P2RX5: variants seen among roughly 807,000 people sequenced by gnomAD.
P2RX5 encodes the protein purinergic receptor P2X 5, also known as P2X purinoceptor 5.
In P2RX5, 46 loss-of-function variants were observed where a neutral mutation model predicts 54.1. That is an observed-to-expected ratio of 0.85 (90% CI 0.67 to 1.09). The LOEUF is 1.09. Ranked by LOEUF, P2RX5 falls within the 50% of genes least tolerant of loss-of-function variation. The pLI is 0.00. For missense variants in P2RX5, 566 were observed against 549.8 expected, an observed-to-expected ratio of 1.03 and a Z score of -0.29; for synonymous variants, 226 against 226.4, an observed-to-expected ratio of 1.00 and a Z score of 0.02.
the P2RX5 span, chr17:3,723,734 A>G: frequency 1.7e-5 from 27 of 1,606,908 alleles, no homozygotes; most frequent in Non-Finnish European, 2.1e-5. Flanking sequence ...CCAGGTGCAC[A>G]CCGTGGAGGC....
At chr17:3,706,804 T>C in the P2RX5 span, among the ~76,000 whole-genome samples, 1 of 152,064 alleles carries the variant, frequency 6.6e-6, no homozygotes, top group Non-Finnish European at 1.5e-5. Context: ...TGGAGACGGG[T>C]TTTCACCGTG....
chr17:3,702,529 T>C, the P2RX5 span, among the ~76,000 whole-genome samples: 5 of 151,924 alleles, frequency 3.3e-5, no homozygotes, highest in Non-Finnish European at 7.4e-5. Context: ...ACAATAAATC[T>C]TGCTGCTGCT....
chr17:3,723,181 T>C, the P2RX5 span: 33,949 of 806,988 alleles, frequency 0.042, 7,709 homozygotes, highest in African/African-American at 0.5. Flanking sequence ...CACCAAAAGA[T>C]CTATTTTGGA....
rs745382034 is a variant in P2RX5 at position 3,688,083 on chromosome 17, C to T, written c.910G>A (p.Ala304Thr). 7 of 1,603,940 alleles carry T rather than the reference C, an allele frequency of 4.4e-6. No homozygotes were observed. Among genetic ancestry groups the T allele is most frequent in the African/African-American group, 4.0e-5 (3 of 74,362 alleles). The change falls in exon 9 of 12, where the codon GCA (alanine) becomes ACA (threonine). Residue 304 changes from alanine (A) to threonine (T), a missense_variant. Ala to Thr is a moderately conservative substitution (Grantham distance 58). Transcript: ENST00000225328. ...AGGGTGCGGAACTCCACCCCGGCTG[C>T]GTCTCGGTAATATCTGGCAAATCTG... ...NFRFARYYRD[A>T]AGVEFRTLMK...
Position 3,693,804 on chromosome 17 carries a change from T to C in P2RX5, c.138-2010A>G, listed in dbSNP as rs560978419. Among the ~76,000 whole-genome samples the C allele has an allele frequency of 1.6e-4, 24 of 151,930 alleles. No individual in the cohort carries two copies. In the South Asian group the frequency reaches 4.8e-3, roughly 30 times the overall value. On this transcript the variant is annotated intron_variant, in intron 1 of 11. Coordinates refer to ENST00000225328, the MANE Select transcript of P2RX5 (RefSeq NM_002561.4). ...AACATGTTCACAAAAAACTTGTACATGAATGTTCTCAGAAGCATTCTTCTT... is the reference window on the plus strand; with the variant it reads ...AACATGTTCACAAAAAACTTGTACACGAATGTTCTCAGAAGCATTCTTCTT...
chr17:3,691,075 A>AGCCACGGCCTGCCTGTGTGCCACAG, intron 2 of P2RX5, 48 bp from the exon 3 acceptor site: 1 of 1,366,260 alleles, frequency 7.3e-7, no homozygotes. Flanking sequence ...CCCCTTAGGG[A>AGCCACGGCCTGCCTGTGTGCCACAG]CCACCCCACC....
intron 10 of P2RX5, among the ~76,000 whole-genome samples, chr17:3,680,362 C>T (rs2050226482): frequency 7.0e-6 from 1 of 142,062 alleles, no homozygotes; most frequent in Non-Finnish European, 1.5e-5. Context: ...CCAGTGTCCT[C>T]CACCCTGCGT....
upstream of P2RX5, among the ~76,000 whole-genome samples, chr17:3,700,735 C>T (rs1259680710): frequency 2.0e-5 from 3 of 152,132 alleles, no homozygotes; most frequent in Non-Finnish European, 4.4e-5. Flanking sequence ...TTATGAATGG[C>T]TTGGCACTAT....
chr17:3,723,818 C>T, the P2RX5 span: 2 of 1,571,532 alleles, frequency 1.3e-6, no homozygotes, highest in Non-Finnish European at 1.7e-6. Context: ...CCGGCCCCGG[C>T]CCTGGCGAGG....
At chr17:3,720,567 AGTTATTCTTCAAC>A in the P2RX5 span, 1 of 476,284 alleles carries the variant, frequency 2.1e-6, no homozygotes, top group Non-Finnish European at 3.7e-6. Flanking sequence ...AGACATCTGC[AGTTATTCTTCAAC>A]TTCCTTTTTT....
chr17:3,716,117 G>A, the P2RX5 span, among the ~76,000 whole-genome samples: 12 of 151,628 alleles, frequency 7.9e-5, no homozygotes. Flanking sequence ...GTTGCAGTGA[G>A]CCGAGATCGC....
intron 11 of P2RX5, chr17:3,676,532 A>G: frequency 1.0e-6 from 1 of 985,346 alleles, no homozygotes; most frequent in Non-Finnish European, 1.2e-6. Flanking sequence ...TGCTGCTTTC[A>G]GGGTGGGGGA....
chr17:3,716,650 C>T, the P2RX5 span: 1 of 1,226,596 alleles, frequency 8.2e-7, no homozygotes, highest in Non-Finnish European at 1.2e-6. Flanking sequence ...AACTAGAGCC[C>T]AGTCTTCCCT....
chr17:3,710,938 C>T, the P2RX5 span, among the ~76,000 whole-genome samples: 2 of 152,064 alleles, frequency 1.3e-5, no homozygotes, highest in African/African-American at 2.4e-5. Flanking sequence ...AAAAACAAAA[C>T]AAAACAAAAA....
At chr17:3,708,856 T>C in the P2RX5 span, among the ~76,000 whole-genome samples, 2 of 141,668 alleles carry the variant, frequency 1.4e-5, no homozygotes, top group Non-Finnish European at 3.1e-5. Flanking sequence ...GAAGATACCA[T>C]CTTATTTATG....
chr17:3,696,683 G>A (rs983131092), upstream of P2RX5, among the ~76,000 whole-genome samples: 1 of 152,108 alleles, frequency 6.6e-6, no homozygotes, highest in Non-Finnish European at 1.5e-5. Context: ...CAGGTGATCC[G>A]CCCACCTCGG....
intron 1 of P2RX5, among the ~76,000 whole-genome samples, 165 bp downstream of exon 1, chr17:3,695,704 C>T (rs1243992857): frequency 6.6e-6 from 1 of 152,144 alleles, no homozygotes; most frequent in Non-Finnish European, 1.5e-5. Flanking sequence ...TACTCCTACA[C>T]CCAAGGACCC....
chr17:3,691,157 A>G (rs1162703141), intron 2 of P2RX5, 130 bp from the exon 3 acceptor site: 1 of 710,126 alleles, frequency 1.4e-6, no homozygotes, highest in Non-Finnish European at 2.5e-6. Context: ...CAAACTTGGT[A>G]TACTCTGCCC....
upstream of P2RX5, among the ~76,000 whole-genome samples, chr17:3,700,841 C>G (rs970045948): frequency 6.6e-6 from 1 of 152,170 alleles, no homozygotes; most frequent in Non-Finnish European, 1.5e-5. Context: ...CCTGCTGCCT[C>G]TCATCCTGTG....
Sources: allele counts gnomAD v4.1 joint callset (sites outside exome capture counted in the v4.1 genomes callset), GRCh38; gene constraint gnomAD v4.1.1; transcripts MANE v1.5; gene names NCBI Gene and HGNC (gene_info 2026-07-23, HGNC 2026-07-21).